Variants in PAM observed in about 807,000 individuals in gnomAD.
PAM encodes the protein peptidyl-glycine alpha-amidating monooxygenase.
In PAM, 72 loss-of-function variants were observed where a neutral mutation model predicts 122.1. The observed-to-expected ratio is 0.59, with a 90% CI of 0.49 to 0.72. PAM has a LOEUF of 0.72. Among genes scored for constraint, PAM ranks in the 30% least tolerant of loss-of-function variants. PAM has a pLI of 0.00. For synonymous variants in PAM, 389 were observed against 404.4 expected (o/e 0.96, Z 0.46); for missense variants, 1,106 against 1,183.7 (o/e 0.93, Z 0.96).
At chr5:102,772,657 C>G (rs1267413968) in intron 1 of PAM, among the ~76,000 whole-genome samples, 2 of 152,052 alleles carry the variant, frequency 1.3e-5, no homozygotes, top group African/African-American at 4.8e-5. Flanking sequence ...GGAGTAATGT[C>G]TTAGTTTATA....
At chr5:103,017,604 A>AT (rs547432223) in intron 22 of PAM, among the ~76,000 whole-genome samples, 171 bp downstream of exon 22, 39 of 152,262 alleles carry the variant, frequency 2.6e-4, no homozygotes, top group East Asian at 9.6e-4. Flanking sequence ...GAAAGAAACG[A>AT]TTTTTTTGCT....
In PAM at chr5:102,891,594, A is replaced by G. The variant is rs972778652; in HGVS notation, c.211-9762A>G. On this transcript the variant is annotated intron_variant, in intron 3 of 25. Transcript: ENST00000438793. ...TCTGTTTCACCTCTCCTTTGAAAGG[A>G]AAAAAGTATAATTTTTCAGAAGGCA... Among the ~76,000 whole-genome samples the G allele has an allele frequency of 5.4e-4, 82 of 151,858 alleles. 1 individual carries two copies. The highest frequency in any genetic ancestry group is 1.2e-4 in the Non-Finnish European group (8 of 67,856).
intron 1 of PAM, among the ~76,000 whole-genome samples, chr5:102,810,512 G>T (rs888075361): frequency 2.0e-5 from 3 of 152,148 alleles, no homozygotes; most frequent in Non-Finnish European, 4.4e-5. Flanking sequence ...GCAGAAAAAG[G>T]ATCACCTTGT....
chr5:103,007,450 T>C lies in PAM; in HGVS notation c.2015-7T>C. On this transcript the variant is annotated splice_region_variant and splice_polypyrimidine_tract_variant and intron_variant, in intron 19 of 25. Transcript: ENST00000438793. The stretch of plus-strand genomic sequence containing the variant: ...TTGTGTATCTAAGGCTTTTTTTTGT[T>C]CTGCAGAGTCTTCAGGGAGCAGTCC... The C allele has an allele frequency of 1.2e-6, 2 of 1,613,002 alleles. No individual in the cohort carries two copies. The highest frequency in any genetic ancestry group is 1.7e-6 in the Non-Finnish European group (2 of 1,179,244).
chr5:103,008,531 TA>T (rs1779704440), intron 20 of PAM, among the ~76,000 whole-genome samples: 1 of 152,126 alleles, frequency 6.6e-6, no homozygotes, highest in African/African-American at 2.4e-5. Context: ...CATATTTTAA[TA>T]AAAACATCTA....
At chr5:102,920,025 T>C (rs530084301) in intron 5 of PAM, among the ~76,000 whole-genome samples, 1 of 152,234 alleles carries the variant, frequency 6.6e-6, no homozygotes, top group Admixed American at 6.5e-5. Context: ...AATATTATAA[T>C]GCAGCGTTGT....
At chr5:103,006,404 T>C (rs1324473110) in intron 18 of PAM, among the ~76,000 whole-genome samples, 1 of 152,218 alleles carries the variant, frequency 6.6e-6, no homozygotes, top group Non-Finnish European at 1.5e-5. Context: ...ATGCTTTTCA[T>C]GAATAGGTGG....
intron 25 of PAM, 44 bp from the exon 26 acceptor site, chr5:103,028,843 G>T: frequency 7.5e-7 from 1 of 1,333,460 alleles, no homozygotes; most frequent in Non-Finnish European, 1.1e-6. Flanking sequence ...AACAGACATT[G>T]CTGCAAACTT....
intron 15 of PAM, among the ~76,000 whole-genome samples, chr5:102,987,112 T>A (rs985294166): frequency 6.6e-6 from 1 of 152,142 alleles, no homozygotes; most frequent in Non-Finnish European, 1.5e-5. Flanking sequence ...TTTACTGCAA[T>A]ACTATTTACA....
At chr5:102,901,621 T>C (rs569564619) in intron 4 of PAM, among the ~76,000 whole-genome samples, 3 of 151,660 alleles carry the variant, frequency 2.0e-5, no homozygotes, top group Admixed American at 6.6e-5. Flanking sequence ...TCATGAGTAA[T>C]AGTAATTAAG....
At chr5:103,024,305 A>C (rs1407152717) in intron 23 of PAM, among the ~76,000 whole-genome samples, 1 of 152,152 alleles carries the variant, frequency 6.6e-6, no homozygotes, top group African/African-American at 2.4e-5. Context: ...GCAGCAGCTT[A>C]TATAGTTTCA....
intron 5 of PAM, among the ~76,000 whole-genome samples, chr5:102,924,738 C>CAA (rs754344958): frequency 3.7e-5 from 5 of 135,418 alleles, no homozygotes; most frequent in South Asian, 2.3e-4. Flanking sequence ...TCATATCAGG[C>CAA]AAAAAAAAAA....
intron 16 of PAM, among the ~76,000 whole-genome samples, chr5:102,999,016 A>G (rs1776564119): frequency 6.6e-6 from 1 of 152,200 alleles, no homozygotes; most frequent in Admixed American, 6.5e-5. Flanking sequence ...AGGGGAAGCA[A>G]AAACGTCCTT....
chr5:102,924,447 A>T (rs1581745581), intron 5 of PAM, among the ~76,000 whole-genome samples: 2 of 151,786 alleles, frequency 1.3e-5, no homozygotes. Flanking sequence ...AAAAAAAAAA[A>T]AAAACAAAAA....
At chr5:102,934,391 A>C (rs1357489303) in intron 7 of PAM, among the ~76,000 whole-genome samples, 2 of 152,290 alleles carry the variant, frequency 1.3e-5, no homozygotes, top group East Asian at 1.9e-4. Flanking sequence ...TGCGTTTCCA[A>C]GTTCTCAGCT....
At chr5:102,923,616 GA>G (rs1218615566) in intron 5 of PAM, among the ~76,000 whole-genome samples, 1 of 152,080 alleles carries the variant, frequency 6.6e-6, no homozygotes, top group Admixed American at 6.6e-5. Flanking sequence ...ATTGTAATGG[GA>G]AAAAAATGGT....
chr5:102,840,617 G>T (rs1206005166), intron 1 of PAM, among the ~76,000 whole-genome samples: 5 of 152,280 alleles, frequency 3.3e-5, no homozygotes, highest in African/African-American at 1.2e-4. Flanking sequence ...TATCATGAAT[G>T]AAAGAATTCT....
chr5:102,848,757 A>G (rs1200855584), intron 1 of PAM, among the ~76,000 whole-genome samples: 1 of 152,206 alleles, frequency 6.6e-6, no homozygotes, highest in Non-Finnish European at 1.5e-5. Context: ...GATAAAAACA[A>G]AGAGACAGTG....
At chr5:102,777,953 A>G (rs1757622049) in intron 1 of PAM, among the ~76,000 whole-genome samples, 1 of 152,184 alleles carries the variant, frequency 6.6e-6, no homozygotes, top group African/African-American at 2.4e-5. Flanking sequence ...CACCTGCCAA[A>G]TTTCGGTTTG....
Sources: allele counts gnomAD v4.1 joint callset (sites outside exome capture counted in the v4.1 genomes callset), GRCh38; gene constraint gnomAD v4.1.1; transcripts MANE v1.5; gene names NCBI Gene and HGNC (gene_info 2026-07-23, HGNC 2026-07-21).